Variants in DPP6 observed in about 807,000 individuals in gnomAD.
DPP6 encodes the protein A-type potassium channel modulatory protein DPP6.
Under a neutral mutation model 122.6 loss-of-function variants are expected in DPP6, and 69 were observed. The ratio of observed to expected loss-of-function variants is 0.56; its 90% CI spans 0.46 to 0.69. DPP6 has a LOEUF of 0.69. Among genes scored for constraint, DPP6 ranks in the 30% least tolerant of loss-of-function variants. The pLI is 0.00. For synonymous variants in DPP6, 418 were observed against 433.1 expected (o/e 0.97, Z 0.43); for missense variants, 928 against 1,116.9 (o/e 0.83, Z 2.41).
chr7:153,839,931 T>C, the DPP6 span, among the ~76,000 whole-genome samples: 3 of 152,188 alleles, frequency 2.0e-5, no homozygotes, highest in Non-Finnish European at 2.9e-5. Flanking sequence ...CCAAAATACA[T>C]AGAAGAATTC....
intron 4 of DPP6, among the ~76,000 whole-genome samples, chr7:154,562,749 A>C (rs965630377): frequency 6.6e-6 from 1 of 152,216 alleles, no homozygotes; most frequent in African/African-American, 2.4e-5. Context: ...TGCTACAGAA[A>C]ATAAGGTCAG....
chr7:154,157,854 A>G (rs1376063227), intron 1 of DPP6, among the ~76,000 whole-genome samples: 2 of 151,608 alleles, frequency 1.3e-5, no homozygotes, highest in African/African-American at 2.4e-5. Context: ...AATGGCTTGA[A>G]CCCGGGAGGC....
At position 154,475,000 on chromosome 7, in the gene DPP6, C is replaced by T. The variant is rs1219071799; in HGVS notation, c.420C>T (p.Asp140=). Reference sequence around the variant, plus strand: ...CTGTAGAAGATCTCTTCAGTGAAGACTTCAAAATTCATGACCCCGAGGCTA... The same window carrying T: ...CTGTAGAAGATCTCTTCAGTGAAGATTTCAAAATTCATGACCCCGAGGCTA... ...KVTVEDLFSE[D]FKIHDPEAKW... is the part of the protein sequence containing the mutation. Residue 140 remains aspartate, a synonymous_variant, in exon 3 of 26, where the codon GAC becomes GAT. Coordinates refer to ENST00000377770, the MANE Select transcript of DPP6 (RefSeq NM_130797.4). 1 of 1,613,668 alleles carries T rather than the reference C, an allele frequency of 6.2e-7. No homozygotes were observed. The highest frequency in any genetic ancestry group is 1.3e-5 in the African/African-American group (1 of 74,888).
At chr7:154,459,762 T>C (rs146031493) in intron 2 of DPP6, among the ~76,000 whole-genome samples, 3,003 of 120,668 alleles carry the variant, frequency 0.025, 113 homozygotes, top group African/African-American at 0.093. Flanking sequence ...GCCGAGATCA[T>C]ACCACTGCAC....
upstream of DPP6, among the ~76,000 whole-genome samples, chr7:154,047,842 G>A (rs1445028581): frequency 2.0e-5 from 3 of 149,054 alleles, no homozygotes; most frequent in East Asian, 3.9e-4. Flanking sequence ...AAAGTGGGAG[G>A]AGAAGAGTCG....
chr7:154,666,038 C>T (rs1170826545), intron 6 of DPP6, among the ~76,000 whole-genome samples: 2 of 152,008 alleles, frequency 1.3e-5, no homozygotes, highest in African/African-American at 4.8e-5. Context: ...CTATTTCCAC[C>T]TATACCCTAT....
chr7:154,220,340 A>G (rs1486019918), intron 1 of DPP6, among the ~76,000 whole-genome samples: 2 of 152,146 alleles, frequency 1.3e-5, no homozygotes, highest in Non-Finnish European at 2.9e-5. Flanking sequence ...AAAACCAAAC[A>G]CCTCACTTAT....
At chr7:154,508,431 T>C (rs1025669198) in intron 3 of DPP6, among the ~76,000 whole-genome samples, 1 of 152,164 alleles carries the variant, frequency 6.6e-6, no homozygotes, top group African/African-American at 2.4e-5. Context: ...GGATACTCTG[T>C]ATCTTGATGG....
intron 1 of DPP6, among the ~76,000 whole-genome samples, chr7:154,341,264 TG>T (rs1809904697): frequency 6.6e-6 from 1 of 152,040 alleles, no homozygotes; most frequent in Non-Finnish European, 1.5e-5. Flanking sequence ...TTTCCTTGTG[TG>T]GGGGTATGTC....
chr7:154,271,991 T>C (rs2150934938), intron 1 of DPP6, among the ~76,000 whole-genome samples: 1 of 152,216 alleles, frequency 6.6e-6, no homozygotes, highest in East Asian at 1.9e-4. Context: ...TGGATAACTA[T>C]AGCCAGCTTC....
chr7:154,463,497 G>A (rs1217345369), intron 2 of DPP6, among the ~76,000 whole-genome samples: 2 of 151,982 alleles, frequency 1.3e-5, no homozygotes, highest in Non-Finnish European at 2.9e-5. Flanking sequence ...GTGAGCCACC[G>A]CGCCCAGCCT....
chr7:154,127,093 T>C (rs1247119187), intron 1 of DPP6, among the ~76,000 whole-genome samples: 14 of 152,176 alleles, frequency 9.2e-5, no homozygotes, highest in Non-Finnish European at 1.6e-4. Flanking sequence ...ATTTCACTAC[T>C]TTAAAAAAGT....
intron 1 of DPP6, among the ~76,000 whole-genome samples, chr7:154,260,370 G>A (rs545740640): frequency 6.6e-6 from 1 of 152,198 alleles, no homozygotes; most frequent in East Asian, 1.9e-4. Context: ...GTGGTTATTC[G>A]TGGGATTTTG....
chr7:154,155,552 C>T (rs183934783), intron 1 of DPP6, among the ~76,000 whole-genome samples: 2 of 152,284 alleles, frequency 1.3e-5, no homozygotes, highest in Admixed American at 1.3e-4. Flanking sequence ...AGATAGAAGC[C>T]ATAAGCACTT....
the DPP6 span, among the ~76,000 whole-genome samples, chr7:153,818,371 A>G: frequency 2.0e-5 from 3 of 152,088 alleles, 1 homozygote; most frequent in South Asian, 6.2e-4. Flanking sequence ...ATTCATTTAC[A>G]TATTAAAACA....
intron 1 of DPP6, among the ~76,000 whole-genome samples, chr7:154,019,368 CT>C (rs1798587121): frequency 6.6e-6 from 1 of 151,824 alleles, no homozygotes; most frequent in Non-Finnish European, 1.5e-5. Flanking sequence ...TCTTTTCTCT[CT>C]TCTCTTTCTA....
intron 1 of DPP6, among the ~76,000 whole-genome samples, chr7:154,345,863 C>T (rs966641635): frequency 3.3e-5 from 5 of 152,240 alleles, no homozygotes; most frequent in Non-Finnish European, 7.3e-5. Flanking sequence ...CATTCCAGAG[C>T]AAGCCCTGCT....
chr7:154,511,197 A>G (rs1026938882), intron 3 of DPP6, among the ~76,000 whole-genome samples: 1 of 152,174 alleles, frequency 6.6e-6, no homozygotes, highest in African/African-American at 2.4e-5. Context: ...TAAATTTGAG[A>G]TGGGATAACA....
chr7:154,823,201 C>A (rs6597425), intron 16 of DPP6, among the ~76,000 whole-genome samples: 1 of 152,052 alleles, frequency 6.6e-6, no homozygotes, highest in African/African-American at 2.4e-5. Flanking sequence ...AGACCTGGAA[C>A]TGTGAACACT....
Sources: gnomAD v4.1 joint callset for allele counts (sites outside exome capture counted in the v4.1 genomes callset) on GRCh38, gnomAD v4.1.1 for gene constraint, MANE v1.5 for transcripts, NCBI Gene and HGNC (gene_info 2026-07-23, HGNC 2026-07-21) for gene names.